Variants in SYBU observed in about 807,000 individuals in gnomAD.
SYBU encodes the protein syntabulin, also known as GOLSYN A protein.
Under a neutral mutation model 35.9 loss-of-function variants are expected in SYBU, and 21 were observed. The ratio of observed to expected loss-of-function variants is 0.58; its 90% CI spans 0.41 to 0.84. SYBU has a LOEUF of 0.84. Ranked by LOEUF, SYBU falls within the 40% of genes least tolerant of loss-of-function variation. The pLI is 0.00. For synonymous variants in SYBU, 319 were observed against 324.3 expected (o/e 0.98, Z 0.18); for missense variants, 768 against 848.2 (o/e 0.91, Z 1.17).
chr8:109,609,646 T>C (rs149739483), intron 3 of SYBU, among the ~76,000 whole-genome samples: 3 of 152,326 alleles, frequency 2.0e-5, no homozygotes, highest in Admixed American at 6.5e-5. Flanking sequence ...AAGCACCCAT[T>C]TGACTCTGAT....
Position 109,691,540 on chromosome 8 carries a change from C to T in SYBU, c.-265G>A, listed in dbSNP as rs1817646307. ...ACGTGGTGCCGCGGAATCCCTTGCG[C>T]TCCGGTGCCCTCGGCCCCTCGGCCT... On this transcript the variant is annotated 5_prime_UTR_variant, in exon 1 of 8. Transcript: ENST00000422135. The surrounding 1 kb of genome is among the most constrained non-coding windows in gnomAD (Gnocchi z 4.7). 2.1e-6 allele frequency: 1 copy of T among 468,014 alleles called. No homozygotes were observed. The allele number at this position is 468,014 out of a possible 1,614,324, so 29.0% of individuals were successfully genotyped here.
intron 3 of SYBU, among the ~76,000 whole-genome samples, chr8:109,600,202 T>TG (rs1429897621): frequency 2.0e-5 from 3 of 152,260 alleles, no homozygotes; most frequent in Non-Finnish European, 4.4e-5. Flanking sequence ...GAGTAGGTGC[T>TG]GTTGTTTTGA....
At chr8:109,592,797 C>T (rs1824431976) in intron 3 of SYBU, among the ~76,000 whole-genome samples, 1 of 152,080 alleles carries the variant, frequency 6.6e-6, no homozygotes, top group Admixed American at 6.5e-5. Context: ...CTTATCTAAG[C>T]CTTACTTATA....
Position 109,691,416 on chromosome 8 carries a change from G to A in SYBU, c.-141C>T, listed in dbSNP as rs1587009070. The A allele has an allele frequency of 1.5e-6, 1 of 685,684 alleles. No individual in the cohort carries two copies. Among genetic ancestry groups the A allele is most frequent in the East Asian group, 2.9e-5 (1 of 34,908 alleles). 42.5% of individuals were successfully genotyped at this position (685,684 alleles called of 1,614,324 possible). ...CGGGAGACCGGGCCCCGGCTGGGCC[G>A]GGTGCCGGTGCGGACGGGACCCCGC... On this transcript the variant is annotated 5_prime_UTR_variant, in exon 1 of 8. Coordinates refer to the SYBU transcript ENST00000422135. This position sits in a 1 kb window ranked among gnomAD's most constrained non-coding sequence, Gnocchi z 4.7.
At chr8:109,594,366 C>T (rs1824622283) in intron 3 of SYBU, among the ~76,000 whole-genome samples, 1 of 152,158 alleles carries the variant, frequency 6.6e-6, no homozygotes, top group African/African-American at 2.4e-5. Flanking sequence ...TCATTCTCCA[C>T]TCTTCTTCAT....
At chr8:109,606,768 G>GTA (rs1826107492) in intron 3 of SYBU, among the ~76,000 whole-genome samples, 1 of 152,120 alleles carries the variant, frequency 6.6e-6, no homozygotes, top group Middle Eastern at 3.2e-3. Context: ...TCAAAGGGTG[G>GTA]TATCTTTTCA....
In SYBU at chr8:109,691,184, C is replaced by G. The variant is rs3134332; in HGVS notation, c.-58+149G>C. 3.5e-6 allele frequency: 2 copies of G among 574,174 alleles called. No individual in the cohort carries two copies. The highest frequency in any genetic ancestry group is 6.2e-6 in the Non-Finnish European group (2 of 321,054). 35.6% of individuals were successfully genotyped at this position (574,174 alleles called of 1,614,324 possible). ...TCCACGACCTTCTTCTGTGCATCGCCGAGCACCCTGGATACCTCCCGCATT... is the reference window on the plus strand; with the variant it reads ...TCCACGACCTTCTTCTGTGCATCGCGGAGCACCCTGGATACCTCCCGCATT... On this transcript the variant is annotated intron_variant, in intron 1 of 7. Coordinates refer to the SYBU transcript ENST00000422135. The surrounding 1 kb of genome is among the most constrained non-coding windows in gnomAD (Gnocchi z 4.7).
In SYBU at chr8:109,577,752, C is replaced by A. The variant is rs550926497; in HGVS notation, c.884+116G>T. ...TCAGAGGCTGACTTTAAAAATTTGA[C>A]CAAAATTGAATACAATCATTTTTTC... On this transcript the variant is annotated intron_variant, in intron 6 of 6. Transcript: ENST00000276646. 5.0e-6 allele frequency: 6 copies of A among 1,199,792 alleles called. No individual in the cohort carries two copies. In the African/African-American group the frequency reaches 9.2e-5, roughly 18 times the overall value. 74.3% of individuals were successfully genotyped at this position (1,199,792 alleles called of 1,614,324 possible). A position where few individuals can be genotyped will look rare whatever the true frequency, so the allele number is the denominator to read the frequency against.
At chr8:109,599,809 T>C (rs1825313413) in intron 3 of SYBU, among the ~76,000 whole-genome samples, 1 of 152,216 alleles carries the variant, frequency 6.6e-6, no homozygotes, top group South Asian at 2.1e-4. Context: ...TAGCACGATT[T>C]ACAAACCCTC....
chr8:109,655,402 C>T (rs2130728043), intron 1 of SYBU, among the ~76,000 whole-genome samples: 1 of 152,286 alleles, frequency 6.6e-6, no homozygotes. Flanking sequence ...GCTGTGTTTG[C>T]TTTTGGGCTT....
At chr8:109,673,421 G>A (rs114694148) in intron 1 of SYBU, among the ~76,000 whole-genome samples, 2,146 of 152,166 alleles carry the variant, frequency 0.014, 51 homozygotes, top group African/African-American at 0.048. Context: ...AGCCAACTCC[G>A]GCAGACCTGC....
chr8:109,590,876 C>T (rs1824160962), intron 3 of SYBU, among the ~76,000 whole-genome samples: 3 of 151,888 alleles, frequency 2.0e-5, no homozygotes. Flanking sequence ...TTTATCAACA[C>T]CACTAAAAAT....
At position 109,575,046 on chromosome 8, in the gene SYBU, C is replaced by T. The variant is rs762659962; in HGVS notation, c.1852G>A (p.Val618Met). Residue 618 changes from valine to methionine, a missense_variant, in exon 7 of 7, where the codon GTG becomes ATG. Coordinates refer to ENST00000276646, the MANE Select transcript of SYBU (RefSeq NM_001099754.2). ...LVDLLAVAAP[V>M]VPTVLWAFST... ...AATGCCCACAGAACCGTGGGGACCA[C>T]GGGGGCAGCCACAGCCAGGAGATCC... 3.7e-5 allele frequency: 60 copies of T among 1,607,932 alleles called. No homozygotes were observed. The highest frequency in any genetic ancestry group is 5.0e-5 in the Non-Finnish European group (59 of 1,176,288).
At chr8:109,614,125 T>C (rs1019966040) in intron 3 of SYBU, among the ~76,000 whole-genome samples, 2 of 152,260 alleles carry the variant, frequency 1.3e-5, no homozygotes, top group Non-Finnish European at 2.9e-5. Context: ...AGTGCTTTTC[T>C]CCTTTCTCAC....
intron 3 of SYBU, among the ~76,000 whole-genome samples, chr8:109,604,051 C>T (rs1035566906): frequency 5.3e-5 from 8 of 151,092 alleles, no homozygotes; most frequent in African/African-American, 1.7e-4. Context: ...AAAACAAATG[C>T]TTATCAGAGA....
chr8:109,606,847 T>TG (rs745543754), intron 3 of SYBU, among the ~76,000 whole-genome samples: 610 of 152,254 alleles, frequency 4.0e-3, no homozygotes, highest in Non-Finnish European at 6.6e-3. Flanking sequence ...CAGTGTGCCC[T>TG]TTGCCTAAGT....
At chr8:109,589,341 C>T (rs985545952) in intron 3 of SYBU, among the ~76,000 whole-genome samples, 1 of 152,214 alleles carries the variant, frequency 6.6e-6, no homozygotes, top group Non-Finnish European at 1.5e-5. Flanking sequence ...ACTCATAGCA[C>T]CTGCTTCATG....
intron 3 of SYBU, chr8:109,603,349 A>C (rs1315756188): frequency 1.0e-6 from 1 of 963,308 alleles, no homozygotes; most frequent in Non-Finnish European, 1.2e-6. Context: ...TGAATGAAGC[A>C]TACTCACAAT....
upstream of SYBU, among the ~76,000 whole-genome samples, chr8:109,683,297 C>T (rs774414073): frequency 9.2e-5 from 14 of 152,160 alleles, no homozygotes; most frequent in Non-Finnish European, 1.8e-4. Flanking sequence ...GGCAGAGCTG[C>T]CCAAGGTCAT....
Sources: allele counts gnomAD v4.1 joint callset (sites outside exome capture counted in the v4.1 genomes callset), GRCh38; gene constraint gnomAD v4.1.1; non-coding constraint Gnocchi (gnomAD v3.1); transcripts MANE v1.5; gene names NCBI Gene and HGNC (gene_info 2026-07-23, HGNC 2026-07-21).